The following PPCS variants were observed in gnomAD, a reference collection of about 807,000 sequenced individuals.
The protein encoded by PPCS is phosphopantothenate--cysteine ligase.
A neutral mutation model predicts 24.6 loss-of-function variants in PPCS; 17 were observed. That is an observed-to-expected ratio of 0.69 (90% confidence interval 0.47 to 1.04). PPCS has a LOEUF of 1.04. Among genes scored for constraint, PPCS ranks in the 50% least tolerant of loss-of-function variants. The probability of loss-of-function intolerance (pLI) is 0.00; values close to 1 mark genes in which losing one functional copy is unlikely to be tolerated. For missense variants in PPCS, 360 were observed against 402.8 expected, an observed-to-expected ratio of 0.89 and a Z score of 0.91; for synonymous variants, 190 against 168.3, an observed-to-expected ratio of 1.13 and a Z score of -1.00.
At chr1:42,462,665 T>C (rs1197438383), downstream of PPCS, among the ~76,000 whole-genome samples, 1 of 152,228 alleles carries the variant, frequency 6.6e-6, no homozygotes, top group Non-Finnish European at 1.5e-5. Context: ...AAAAAGATGA[T>C]ATAAATTGAG....
intron 2 of PPCS, among the ~76,000 whole-genome samples, chr1:42,467,186 C>A (rs1643617833): frequency 6.6e-6 from 1 of 152,054 alleles, no homozygotes. Context: ...ATATCTGGTC[C>A]CAAGCTAAAG....
Position 42,460,339 on chromosome 1 carries a change from T to C in PPCS, c.*413T>C, listed in dbSNP as rs1012876628. The C allele has an allele frequency of 1.5e-5, 15 of 984,794 alleles. No individual in the cohort carries two copies. The highest frequency in any genetic ancestry group is 1.2e-4 in the African/African-American group (7 of 57,214). 61.0% of individuals were successfully genotyped at this position (984,794 alleles called of 1,614,324 possible). On this transcript the variant is annotated 3_prime_UTR_variant, in exon 3 of 3. Transcript: ENST00000372561. ...AGGATTAAAAAGATGAATAAACATATCTTGTTTAGGAAATGGATGTATAAA... is the reference window on the plus strand; with the variant it reads ...AGGATTAAAAAGATGAATAAACATACCTTGTTTAGGAAATGGATGTATAAA...
rs1294815789 is a variant in PPCS, at chr1:42,456,758, C to G, written c.193C>G (p.Arg65Gly). Residue 65 changes from arginine to glycine, a missense_variant, in exon 1 of 3, where the codon CGC becomes GGC. By Grantham distance (125) the Arg-to-Gly change is moderately radical. This residue lies in a region of PPCS where 244 missense variants were observed against 234.7 expected (regional missense o/e 1.04). Coordinates refer to ENST00000372561, the MANE Select transcript of PPCS (RefSeq NM_024664.4). Reference protein sequence around the residue: ...RFLDNFSSGRRGATSAEAFLA... With the variant: ...RFLDNFSSGRGGATSAEAFLA... ...CCTGGACAACTTCAGCAGCGGGCGG[C>G]GCGGTGCAACCTCGGCCGAGGCCTT... The G allele has an allele frequency of 6.2e-7, 1 of 1,611,618 alleles. No individual in the cohort carries two copies. Among genetic ancestry groups the G allele is most frequent in the African/African-American group, 1.3e-5 (1 of 74,934 alleles).
At chr1:42,459,314 C>A in intron 2 of PPCS, 1 of 343,078 alleles carries the variant, frequency 2.9e-6, no homozygotes, top group Non-Finnish European at 5.4e-6. Flanking sequence ...AGGTGGGTGC[C>A]ACCATGCTTG....
At chr1:42,459,487 G>C (rs1038528002) in intron 2 of PPCS, 116 bp from the exon 3 acceptor site, 4 of 918,064 alleles carry the variant, frequency 4.4e-6, no homozygotes, top group Non-Finnish European at 6.6e-6. Flanking sequence ...ACATTTAACT[G>C]AAAAGTTTGA....
At position 42,456,872 on chromosome 1, in the gene PPCS, T is replaced by G; in HGVS notation, c.307T>G (p.Ser103Ala). The G allele has an allele frequency of 1.2e-6, 2 of 1,613,336 alleles. No homozygotes were observed. The highest frequency in any genetic ancestry group is 1.7e-6 in the Non-Finnish European group (2 of 1,180,032). The change falls in exon 1 of 3, where the codon TCC (serine) becomes GCC (alanine). Residue 103 changes from serine to alanine, a missense_variant. This residue lies in a region of PPCS where 244 missense variants were observed against 234.7 expected (regional missense o/e 1.04). Transcript: ENST00000372561. Reference sequence around the variant, plus strand: ...CCGCTTCCCACCCCAGACTTGGCTGTCCGCTCTGCGGCCTTCGGGCCCAGC... The same window carrying G: ...CCGCTTCCCACCCCAGACTTGGCTGGCCGCTCTGCGGCCTTCGGGCCCAGC... ...AHRFPPQTWL[S>A]ALRPSGPALS...
At chr1:42,464,974 A>G (rs1350450552), downstream of PPCS, among the ~76,000 whole-genome samples, 1 of 152,334 alleles carries the variant, frequency 6.6e-6, no homozygotes, top group East Asian at 1.9e-4. Context: ...AGCCTTTTCA[A>G]TCTTGCACAT....
chr1:42,463,350 C>T (rs1463536305), downstream of PPCS: 1 of 152,234 alleles, frequency 6.6e-6, no homozygotes, highest in Non-Finnish European at 1.5e-5. Flanking sequence ...GGCCGAGCGA[C>T]CCCGGGACGC....
intron 2 of PPCS, among the ~76,000 whole-genome samples, chr1:42,458,554 A>C (rs1042382165): frequency 6.6e-6 from 1 of 152,242 alleles, no homozygotes; most frequent in Non-Finnish European, 1.5e-5. Context: ...GGAGACAATA[A>C]ATAAGTCAAA....
At chr1:42,471,301 C>T (rs1431494860) in intron 2 of PPCS, among the ~76,000 whole-genome samples, 1 of 152,292 alleles carries the variant, frequency 6.6e-6, no homozygotes, top group Middle Eastern at 3.4e-3. Context: ...CCCTACTCCA[C>T]CCCTACAGCA....
In PPCS at chr1:42,460,592, TTTAAC is replaced by T. The variant is rs1305864724; in HGVS notation, c.*671_*675del. On this transcript the variant is annotated 3_prime_UTR_variant, in exon 3 of 3. Coordinates refer to ENST00000372561, the MANE Select transcript of PPCS (RefSeq NM_024664.4). ...CAAGTATTTTAGGACTGCTTTTCAG[TTTAAC>T]TTAATATGTCCTTCCACCTGGGACC... Among the ~76,000 whole-genome samples the T allele has an allele frequency of 6.6e-6, 1 of 152,228 alleles. No individual in the cohort carries two copies. Among genetic ancestry groups the T allele is most frequent in the African/African-American group, 2.4e-5 (1 of 41,458 alleles).
At chr1:42,465,072 A>G (rs1643527581), downstream of PPCS, among the ~76,000 whole-genome samples, 1 of 152,214 alleles carries the variant, frequency 6.6e-6, no homozygotes, top group South Asian at 2.1e-4. Flanking sequence ...CTCTTCTAAT[A>G]TGTATTTATT....
chr1:42,457,089 G>C lies in PPCS; in HGVS notation c.508+16G>C. On this transcript the variant is annotated intron_variant, in intron 1 of 2. Transcript: ENST00000372561. ...AATCCGCTAGGTGCGTGCCCTAGGA[G>C]TACCCCTTTTGCCTGGAAGCACAGC... is the stretch of plus-strand genomic sequence containing the variant. The C allele has an allele frequency of 6.3e-7, 1 of 1,583,554 alleles. No individual in the cohort carries two copies. Among genetic ancestry groups the C allele is most frequent in the Non-Finnish European group, 8.6e-7 (1 of 1,168,442 alleles).
chr1:42,465,525 C>G (rs1056302460), downstream of PPCS, among the ~76,000 whole-genome samples: 1 of 152,060 alleles, frequency 6.6e-6, no homozygotes, highest in Non-Finnish European at 1.5e-5. Context: ...CCACCACACC[C>G]TGCTAATTTT....
At chr1:42,465,046 G>A (rs1034685260), downstream of PPCS, among the ~76,000 whole-genome samples, 1 of 152,204 alleles carries the variant, frequency 6.6e-6, no homozygotes, top group African/African-American at 2.4e-5. Context: ...ATTGTAAGGG[G>A]CTTTCCTTTC....
rs543113422 is a variant in PPCS, at chr1:42,456,760, C to A, written c.195C>A (p.Arg65=). 6.2e-7 allele frequency: 1 copy of A among 1,611,960 alleles called. No individual in the cohort carries two copies. Among genetic ancestry groups the A allele is most frequent in the South Asian group, 1.1e-5 (1 of 90,950 alleles). The change falls in exon 1 of 3, where the codon CGC becomes CGA. Residue 65 remains arginine, a synonymous_variant. Coordinates refer to ENST00000372561, the MANE Select transcript of PPCS (RefSeq NM_024664.4). ...RFLDNFSSGR[R]GATSAEAFLA... The stretch of plus-strand genomic sequence containing the variant: ...TGGACAACTTCAGCAGCGGGCGGCG[C>A]GGTGCAACCTCGGCCGAGGCCTTCC...
intron 2 of PPCS, among the ~76,000 whole-genome samples, chr1:42,468,432 G>A (rs887035854): frequency 6.6e-6 from 1 of 152,190 alleles, no homozygotes; most frequent in Non-Finnish European, 1.5e-5. Context: ...CTTAAGGACA[G>A]TTTCTGGAAG....
chr1:42,458,807 T>C (rs1643317888), intron 2 of PPCS, among the ~76,000 whole-genome samples: 1 of 151,982 alleles, frequency 6.6e-6, no homozygotes, highest in African/African-American at 2.4e-5. Flanking sequence ...GTACTAGGAG[T>C]TTTGGTCAAG....
At chr1:42,467,719 G>C (rs751074574) in intron 2 of PPCS, 1 of 152,162 alleles carries the variant, frequency 6.6e-6, no homozygotes, top group Non-Finnish European at 1.5e-5. Flanking sequence ...GCCCTCAGAG[G>C]CCATATTTGT....
Sources: allele counts gnomAD v4.1 joint callset (sites outside exome capture counted in the v4.1 genomes callset), GRCh38; gene constraint gnomAD v4.1.1; regional missense constraint gnomAD v4.1.1; transcripts MANE v1.5; gene names NCBI Gene and HGNC (gene_info 2026-07-23, HGNC 2026-07-21).